The following MAP3K1 variants were observed in gnomAD, a reference collection of about 807,000 sequenced individuals.
The protein encoded by MAP3K1 is MAP/ERK kinase kinase 1.
A neutral mutation model predicts 144.2 loss-of-function variants in MAP3K1; 36 were observed. That is an observed-to-expected ratio of 0.25 (90% CI 0.19 to 0.33). MAP3K1 has a LOEUF of 0.33. Among genes scored for constraint, MAP3K1 ranks in the 10% least tolerant of loss-of-function variants. The pLI, the probability that MAP3K1 is intolerant of heterozygous loss-of-function variation, is 1.00. For synonymous variants in MAP3K1, 718 were observed against 688.7 expected (o/e 1.04, Z -0.67); for missense variants, 1,650 against 1,881.9 (o/e 0.88, Z 2.28).
intron 1 of MAP3K1, among the ~76,000 whole-genome samples, chr5:56,822,772 G>A (rs549558149): frequency 2.6e-5 from 4 of 152,058 alleles, no homozygotes; most frequent in East Asian, 1.9e-4. Context: ...TGACTTCTGC[G>A]CAGTCAGATG....
In MAP3K1 at chr5:56,873,007, T is replaced by G; in HGVS notation, c.1686+2T>G. The G allele has an allele frequency of 6.2e-7, 1 of 1,613,044 alleles. No homozygotes were observed. Reference sequence around the variant, plus strand: ...GATTTAGCTGAGCCATGGATTCAGGTAAGTAGTTCTTTGTTTTTCATTTCT... The same window carrying G: ...GATTTAGCTGAGCCATGGATTCAGGGAAGTAGTTCTTTGTTTTTCATTTCT... On this transcript the variant is annotated splice_donor_variant, in intron 9 of 19. Coordinates refer to ENST00000399503, the MANE Select transcript of MAP3K1 (RefSeq NM_005921.2). LOFTEE classifies it high-confidence loss of function.
At chr5:56,847,719 T>A (rs1481423280) in intron 1 of MAP3K1, among the ~76,000 whole-genome samples, 1 of 152,234 alleles carries the variant, frequency 6.6e-6, no homozygotes, top group Non-Finnish European at 1.5e-5. Flanking sequence ...ATAGAGTTTT[T>A]AAAAAATGTA....
intron 1 of MAP3K1, among the ~76,000 whole-genome samples, chr5:56,830,164 A>AATAT (rs1746442551): frequency 6.6e-6 from 1 of 152,220 alleles, no homozygotes; most frequent in Non-Finnish European, 1.5e-5. Flanking sequence ...TATATTGTGT[A>AATAT]ATATAATGCT....
intron 11 of MAP3K1, among the ~76,000 whole-genome samples, chr5:56,879,546 CTACT>C (rs2111934085): frequency 6.9e-6 from 1 of 145,402 alleles, no homozygotes; most frequent in South Asian, 2.2e-4. Flanking sequence ...GAATTTTACT[CTACT>C]TATGACAGTT....
chr5:56,846,988 G>A (rs1579739222), intron 1 of MAP3K1, among the ~76,000 whole-genome samples: 1 of 149,356 alleles, frequency 6.7e-6, no homozygotes, highest in Non-Finnish European at 1.5e-5. Context: ...AATGGAATCT[G>A]CCAGCTACAT....
chr5:56,858,832 CAT>C (rs1010605720), intron 2 of MAP3K1, among the ~76,000 whole-genome samples: 18 of 151,982 alleles, frequency 1.2e-4, no homozygotes, highest in Admixed American at 6.6e-5. Flanking sequence ...AAATTTTCCT[CAT>C]GTGAAGGTGT....
chr5:56,877,317 T>G (rs987353110), intron 10 of MAP3K1, among the ~76,000 whole-genome samples: 15 of 152,196 alleles, frequency 9.9e-5, no homozygotes, highest in African/African-American at 2.4e-5. Flanking sequence ...CGTAACTGCC[T>G]TACTGTTGTG....
intron 1 of MAP3K1, among the ~76,000 whole-genome samples, chr5:56,819,132 A>T (rs1746075160): frequency 6.6e-6 from 1 of 152,206 alleles, no homozygotes; most frequent in Non-Finnish European, 1.5e-5. Flanking sequence ...GATGAACCTT[A>T]ATATAATTCT....
chr5:56,833,966 G>C (rs997968539), intron 1 of MAP3K1, among the ~76,000 whole-genome samples: 2 of 152,066 alleles, frequency 1.3e-5, no homozygotes, highest in African/African-American at 4.8e-5. Flanking sequence ...AATTATAAGA[G>C]CTTAGTGACT....
At chr5:56,817,020 C>T (rs1158018703) in intron 1 of MAP3K1, 4 of 981,864 alleles carry the variant, frequency 4.1e-6, no homozygotes, top group Non-Finnish European at 4.8e-6. Context: ...TGCTCGGTGC[C>T]CTGGCGCGGG....
rs950144178 is a variant in MAP3K1 at position 56,879,239 on chromosome 5, A to G, written c.2087+138A>G. On this transcript the variant is annotated intron_variant, in intron 11 of 19. Transcript: ENST00000399503. ...ATTGTCTTTTAATGTGAGATTTAAA[A>G]TGAAAATGCAGCATAAAGCTCTTAA... is the stretch of plus-strand genomic sequence containing the variant. 3 of 1,238,022 alleles carry G rather than the reference A, an allele frequency of 2.4e-6. No individual in the cohort carries two copies. The African/African-American group carries it at 4.5e-5, about 18-fold the overall frequency. The allele number at this position is 1,238,022 out of a possible 1,614,324, so 76.7% of individuals were successfully genotyped here.
At position 56,892,916 on chromosome 5, in the gene MAP3K1, T is replaced by C. The variant is rs76578860; in HGVS notation, c.4390-615T>C. Among the ~76,000 whole-genome samples, 561 of 152,022 alleles carry C rather than the reference T, an allele frequency of 3.7e-3. 12 individuals carry two copies. The East Asian group carries it at 0.066, about 18-fold the overall frequency. On this transcript the variant is annotated intron_variant, in intron 19 of 19. Coordinates refer to ENST00000399503, the MANE Select transcript of MAP3K1 (RefSeq NM_005921.2). ...GTGTATCACAATTTAAAAATAATTATCAGATTTTGAATTTTTTTAGAAAAA... is the reference window on the plus strand; with the variant it reads ...GTGTATCACAATTTAAAAATAATTACCAGATTTTGAATTTTTTTAGAAAAA...
chr5:56,845,946 C>T (rs956279666), intron 1 of MAP3K1, among the ~76,000 whole-genome samples: 8 of 152,126 alleles, frequency 5.3e-5, no homozygotes, highest in African/African-American at 1.9e-4. Context: ...CTGAGTTTCT[C>T]CCCGCAGGGA....
intron 1 of MAP3K1, among the ~76,000 whole-genome samples, chr5:56,854,432 C>CAAAAAAAAAAA (rs10647091): frequency 2.3e-5 from 2 of 85,282 alleles, no homozygotes; most frequent in Admixed American, 1.4e-4. Context: ...AACTCCATCT[C>CAAAAAAAAAAA]AAAAAAAAAA....
intron 10 of MAP3K1, among the ~76,000 whole-genome samples, chr5:56,878,127 A>C (rs1748097364): frequency 6.6e-6 from 1 of 152,186 alleles, no homozygotes; most frequent in Admixed American, 6.5e-5. Flanking sequence ...TAATATTCCT[A>C]AATATCTTGT....
At position 56,872,237 on chromosome 5, in the gene MAP3K1, A is replaced by G. The variant is rs553891652; in HGVS notation, c.1423+206A>G. ...TGACCTGTGTGAGCAAAGAAATGCA[A>G]TAAAGTGTGTGTGACATATGTGATA... On this transcript the variant is annotated intron_variant, in intron 7 of 19. Transcript: ENST00000399503. Among the ~76,000 whole-genome samples, 20 of 152,332 alleles carry G rather than the reference A, an allele frequency of 1.3e-4. No individual in the cohort carries two copies. The East Asian group carries it at 3.5e-3, about 26-fold the overall frequency.
At chr5:56,888,533 G>A (rs1748451831) in intron 19 of MAP3K1, among the ~76,000 whole-genome samples, 176 bp downstream of exon 19, 2 of 152,200 alleles carry the variant, frequency 1.3e-5, no homozygotes, top group Admixed American at 1.3e-4. Context: ...TGGTGCAAAA[G>A]CAATACAAAT....
In MAP3K1 at chr5:56,815,975, C is replaced by A; in HGVS notation, c.402C>A (p.Gly134=). The A allele has an allele frequency of 8.0e-7, 1 of 1,257,200 alleles. No homozygotes were observed. Among genetic ancestry groups the A allele is most frequent in the Non-Finnish European group, 1.0e-6 (1 of 1,002,484 alleles). The allele number at this position is 1,257,200 out of a possible 1,614,324, so 77.9% of individuals were successfully genotyped here. Residue 134 remains glycine, a synonymous_variant, in exon 1 of 20, where the codon GGC becomes GGA. Transcript: ENST00000399503. The stretch of plus-strand genomic sequence containing the variant: ...AGTCGGTGGCGGCGCCGGACAGCGG[C>A]GCCTCGAGTCCCGCAGCGGCCGAGC... The part of the protein sequence containing the change: ...LTESVAAPDS[G]ASSPAAAEPG...
intron 7 of MAP3K1, 97 bp from the exon 8 acceptor site, chr5:56,872,544 T>C: frequency 1.3e-6 from 1 of 743,500 alleles, no homozygotes; most frequent in Non-Finnish European, 2.3e-6. Flanking sequence ...TTTTTGAGGT[T>C]CCTTCTATAT....
Sources: allele counts gnomAD v4.1 joint callset (sites outside exome capture counted in the v4.1 genomes callset), GRCh38; gene constraint gnomAD v4.1.1; transcripts MANE v1.5; gene names NCBI Gene and HGNC (gene_info 2026-07-23, HGNC 2026-07-21).